The following SBF2 variants were observed in gnomAD, a reference collection of about 807,000 sequenced individuals.
SBF2 encodes the protein myotubularin-related protein 13.
SBF2 carries 112 observed loss-of-function variants against 225.2 expected under a neutral mutation model. The ratio of observed to expected loss-of-function variants is 0.50; its 90% CI spans 0.43 to 0.58. SBF2 has a LOEUF of 0.58. SBF2 is among the 20% of genes least tolerant of loss of function. The probability of loss-of-function intolerance (pLI) is 0.00; values close to 1 mark genes in which losing one functional copy is unlikely to be tolerated. For missense variants in SBF2, 1,996 were observed against 2,206.2 expected, an observed-to-expected ratio of 0.90 and a Z score of 1.91; for synonymous variants, 763 against 773.3, an observed-to-expected ratio of 0.99 and a Z score of 0.22.
chr11:9,961,221 T>C (rs1013137666), intron 16 of SBF2: 4 of 152,246 alleles, frequency 2.6e-5, no homozygotes, highest in African/African-American at 9.6e-5. Context: ...ATTAATTATA[T>C]CCTATAATTC....
chr11:9,997,131 T>G (rs1482947750), intron 9 of SBF2, among the ~76,000 whole-genome samples: 1 of 152,230 alleles, frequency 6.6e-6, no homozygotes, highest in Non-Finnish European at 1.5e-5. Context: ...TTTCTGAGAA[T>G]AAAATCCCTC....
chr11:9,969,000 T>C (rs1399064195), intron 13 of SBF2, among the ~76,000 whole-genome samples: 2 of 151,282 alleles, frequency 1.3e-5, no homozygotes, highest in African/African-American at 4.8e-5. Flanking sequence ...TGTTTAACTC[T>C]CTATACAATA....
intron 16 of SBF2, among the ~76,000 whole-genome samples, chr11:9,898,114 T>TCAGAAGTG (rs1564972404): frequency 2.7e-5 from 4 of 150,832 alleles, no homozygotes; most frequent in African/African-American, 9.7e-5. Context: ...AGAAGGGAAA[T>TCAGAAGTG]AGGCAAAGAT....
At chr11:10,250,722 C>T (rs1010560388) in intron 1 of SBF2, among the ~76,000 whole-genome samples, 3 of 152,164 alleles carry the variant, frequency 2.0e-5, no homozygotes, top group Non-Finnish European at 4.4e-5. Context: ...CAATCAACTC[C>T]TTCACAATAT....
At chr11:9,936,517 A>G (rs559266144) in intron 16 of SBF2, among the ~76,000 whole-genome samples, 1 of 152,332 alleles carries the variant, frequency 6.6e-6, no homozygotes, top group South Asian at 2.1e-4. Flanking sequence ...TGTTTATTGC[A>G]GCACTATTCA....
In SBF2 at chr11:9,917,899, C is replaced by A. The variant is rs1486556007; in HGVS notation, c.1861-21888G>T. 2.0e-5 allele frequency among the ~76,000 whole-genome samples: 3 copies of A among 151,486 alleles called. 1 individual carries two copies. Among genetic ancestry groups the A allele is most frequent in the African/African-American group, 7.3e-5 (3 of 40,846 alleles). On this transcript the variant is annotated intron_variant, in intron 16 of 39. Transcript: ENST00000256190. ...TCTGTACCCAGGCCTCCGACACTCA[C>A]CCTTAAGCATGATCCTCTTCCACAC...
chr11:10,100,377 G>A (rs894306899), intron 2 of SBF2, among the ~76,000 whole-genome samples: 16 of 152,206 alleles, frequency 1.1e-4, no homozygotes, highest in Non-Finnish European at 1.9e-4. Context: ...TGGTTCAGTA[G>A]CCCCCTCTCT....
chr11:9,891,887 A>G (rs7935610), intron 17 of SBF2, among the ~76,000 whole-genome samples: 28,561 of 152,160 alleles, frequency 0.19, 3,041 homozygotes, highest in Non-Finnish European at 0.23. Flanking sequence ...TAAAACTCTA[A>G]AAGATAAACA....
At chr11:10,183,519 G>A (rs1956816434) in intron 2 of SBF2, among the ~76,000 whole-genome samples, 1 of 152,100 alleles carries the variant, frequency 6.6e-6, no homozygotes, top group African/African-American at 2.4e-5. Flanking sequence ...AAAATCCTAA[G>A]TTTTCTTTTA....
At chr11:10,259,257 G>A (rs530390688) in intron 1 of SBF2, among the ~76,000 whole-genome samples, 1 of 152,272 alleles carries the variant, frequency 6.6e-6, no homozygotes, top group Non-Finnish European at 1.5e-5. Context: ...TTATTGTTAA[G>A]ATGCAAAATT....
intron 30 of SBF2, 61 bp from the exon 31 acceptor site, chr11:9,809,063 A>T: frequency 1.5e-6 from 2 of 1,294,438 alleles, no homozygotes; most frequent in Non-Finnish European, 2.2e-6. Flanking sequence ...GAAGTCAGAG[A>T]GAGTTGCTTT....
intron 1 of SBF2, among the ~76,000 whole-genome samples, chr11:10,281,134 C>T (rs1434486233): frequency 2.0e-5 from 3 of 151,888 alleles, no homozygotes; most frequent in Non-Finnish European, 4.4e-5. Context: ...CCTTTCATGT[C>T]AAAATAAATA....
At chr11:10,281,816 C>T (rs1446264650) in intron 1 of SBF2, among the ~76,000 whole-genome samples, 2 of 152,170 alleles carry the variant, frequency 1.3e-5, no homozygotes, top group Non-Finnish European at 2.9e-5. Flanking sequence ...CCCACAAACA[C>T]AAATGAGTAA....
intron 16 of SBF2, among the ~76,000 whole-genome samples, chr11:9,909,361 C>T (rs1862391726): frequency 3.3e-5 from 5 of 151,664 alleles, no homozygotes; most frequent in Admixed American, 3.3e-4. Flanking sequence ...TAAAAAAAAC[C>T]TGACTTACAA....
intron 2 of SBF2, among the ~76,000 whole-genome samples, chr11:10,186,646 T>C (rs572916024): frequency 6.8e-4 from 104 of 152,298 alleles, no homozygotes; most frequent in Admixed American, 4.3e-3. Flanking sequence ...GGTTAAATCA[T>C]TGCCATTGGT....
intron 2 of SBF2, among the ~76,000 whole-genome samples, chr11:10,147,714 A>G (rs1028361670): frequency 2.6e-5 from 4 of 152,186 alleles, no homozygotes; most frequent in African/African-American, 7.2e-5. Flanking sequence ...CCCCTGAACT[A>G]TAACAAAAGT....
chr11:10,161,699 G>A (rs892054196), intron 2 of SBF2, among the ~76,000 whole-genome samples: 6 of 151,806 alleles, frequency 4.0e-5, no homozygotes, highest in Admixed American at 3.9e-4. Context: ...TTAAAAGGAG[G>A]AAGAGGGTGG....
intron 16 of SBF2, among the ~76,000 whole-genome samples, chr11:9,953,397 C>T (rs1274759157): frequency 6.6e-6 from 1 of 151,846 alleles, no homozygotes; most frequent in South Asian, 2.1e-4. Context: ...GAGCCGAGAT[C>T]ACGCCACTGC....
intron 7 of SBF2, among the ~76,000 whole-genome samples, chr11:10,001,322 T>C (rs1166970543): frequency 1.3e-5 from 2 of 152,118 alleles, no homozygotes; most frequent in African/African-American, 2.4e-5. Context: ...TTTCCTTACA[T>C]AGAAACCCGA....
Sources: gnomAD v4.1 joint callset for allele counts (sites outside exome capture counted in the v4.1 genomes callset) on GRCh38, gnomAD v4.1.1 for gene constraint, MANE v1.5 for transcripts, NCBI Gene and HGNC (gene_info 2026-07-23, HGNC 2026-07-21) for gene names.